Variants in GPRIN1 observed in about 807,000 individuals in gnomAD.
The protein encoded by GPRIN1 is G protein regulated inducer of neurite outgrowth 1, also known as G protein-regulated inducer of neurite outgrowth 1.
A neutral mutation model predicts 2.8 loss-of-function variants in GPRIN1; 4 were observed. The observed-to-expected ratio is 1.45, with a 90% CI of 0.71 to 3.32. GPRIN1 has a LOEUF of 3.32. Among genes scored for constraint, GPRIN1 ranks in the 30% most tolerant of loss-of-function variants. GPRIN1 has a pLI of 0.01. For synonymous variants in GPRIN1, 589 were observed against 589.9 expected (o/e 1.00, Z 0.02); for missense variants, 1,322 against 1,343.4 (o/e 0.98, Z 0.25).
In GPRIN1 at chr5:176,599,011, G is replaced by GGAGC. The variant is rs759996765; in HGVS notation, c.820_823dup (p.Pro275ArgfsTer199). 1.9e-6 allele frequency: 3 copies of GGAGC among 1,614,150 alleles called. No homozygotes were observed. Among genetic ancestry groups the GGAGC allele is most frequent in the Non-Finnish European group, 2.5e-6 (3 of 1,180,014 alleles). ...AAGATCTACCTTTTCTGCAGATGTA[G>GGAGC]GAGCGACCTTTTCTGAGGACACAGG... is the stretch of plus-strand genomic sequence containing the variant. On this transcript the variant is annotated frameshift_variant, in exon 2 of 2. Coordinates refer to ENST00000303991, the MANE Select transcript of GPRIN1 (RefSeq NM_052899.3). LOFTEE classifies it low-confidence loss of function (END_TRUNC).
chr5:176,609,596 G>A (rs990714784), intron 1 of GPRIN1, among the ~76,000 whole-genome samples: 1 of 152,150 alleles, frequency 6.6e-6, no homozygotes, highest in Admixed American at 6.5e-5. Flanking sequence ...CTCCGGGGAA[G>A]ATGAATCAAC....
chr5:176,608,426 G>T (rs556664028), intron 1 of GPRIN1, among the ~76,000 whole-genome samples: 1 of 152,218 alleles, frequency 6.6e-6, no homozygotes, highest in South Asian at 2.1e-4. Flanking sequence ...GCCTGACTGA[G>T]GCAGAAGGCA....
rs778209257 is a variant in GPRIN1 at position 176,599,507 on chromosome 5, A to G, written c.328T>C (p.Leu110=). ...SPQESPSKET[L]EAHGASISGT... ...GAGATGGAGGCTCCATGTGCCTCCA[A>G]TGTCTCCTTGGAGGGTGACTCCTGG... The change falls in exon 2 of 2, where the codon TTG becomes CTG. Residue 110 remains leucine, a synonymous_variant. Transcript: ENST00000303991. 15 of 1,610,174 alleles carry G rather than the reference A, an allele frequency of 9.3e-6. No homozygotes were observed. The highest frequency in any genetic ancestry group is 6.7e-5 in the East Asian group (3 of 44,826).
rs1759075965 is a variant in GPRIN1, at chr5:176,597,894, G to A, written c.1941C>T (p.Gly647=). The A allele has an allele frequency of 3.1e-6, 5 of 1,613,800 alleles. No homozygotes were observed. The highest frequency in any genetic ancestry group is 2.2e-5 in the East Asian group (1 of 44,872). Residue 647 remains glycine (G), a synonymous_variant, in exon 2 of 2, where the codon GGC becomes GGT. Coordinates refer to ENST00000303991, the MANE Select transcript of GPRIN1 (RefSeq NM_052899.3). This position sits in a 1 kb window ranked among gnomAD's most constrained non-coding sequence, Gnocchi z 6.1. ...KAETKLPGQE[G]AAAPGEAGAV... is the part of the protein sequence containing the mutation. ...CCCCTGCTTCCCCTGGTGCTGCAGC[G>A]CCCTCTTGCCCAGGGAGCTTTGTTT...
chr5:176,608,992 G>A (rs1044282992), intron 1 of GPRIN1, among the ~76,000 whole-genome samples: 13 of 152,228 alleles, frequency 8.5e-5, no homozygotes, highest in African/African-American at 3.1e-4. Flanking sequence ...CGGGGGTGTG[G>A]GGGGAGAAGG....
intron 1 of GPRIN1, among the ~76,000 whole-genome samples, chr5:176,600,302 T>C (rs1285906531): frequency 6.6e-6 from 1 of 151,966 alleles, no homozygotes; most frequent in African/African-American, 2.4e-5. Context: ...AATTTTGTAT[T>C]TTGTTGGTCA....
Position 176,609,354 on chromosome 5 carries a change from G to A in GPRIN1, c.-44+645C>T, listed in dbSNP as rs529265984. On this transcript the variant is annotated intron_variant, in intron 1 of 1. Coordinates refer to ENST00000303991, the MANE Select transcript of GPRIN1 (RefSeq NM_052899.3). ...TGCGTAGCTGTGCCTGGGTGTGTAC[G>A]CAAGGCTCCCACCCAGTACCCTGGG... Among the ~76,000 whole-genome samples the A allele has an allele frequency of 8.5e-5, 13 of 152,252 alleles. No homozygotes were observed. In the South Asian group the frequency reaches 2.5e-3, roughly 29 times the overall value.
rs1759068493 is a variant in GPRIN1, at chr5:176,597,651, G to C, written c.2184C>G (p.Asp728Glu). Reference protein sequence around the residue: ...TKPSSSSRQLDRKALGSARSP... With the variant: ...TKPSSSSRQLERKALGSARSP... The stretch of plus-strand genomic sequence containing the variant: ...ACCGGGCTGAGCCGAGGGCTTTGCG[G>C]TCTAACTGCCTGGAGGAGGAGGACG... Residue 728 changes from aspartate (D) to glutamate (E), a missense_variant, in exon 2 of 2, where the codon GAC becomes GAG. Physicochemically the swap from Asp to Glu is conservative, Grantham distance 45. Transcript: ENST00000303991. The surrounding 1 kb of genome is among the most constrained non-coding windows in gnomAD (Gnocchi z 6.1). 6.3e-7 allele frequency: 1 copy of C among 1,599,636 alleles called. No individual in the cohort carries two copies. The highest frequency in any genetic ancestry group is 8.5e-7 in the Non-Finnish European group (1 of 1,176,118).
rs1202832089 is a variant in GPRIN1, at chr5:176,602,060, T to C, written c.-43-2183A>G. Among the ~76,000 whole-genome samples the C allele has an allele frequency of 6.6e-6, 1 of 152,192 alleles. No homozygotes were observed. Among genetic ancestry groups the C allele is most frequent in the African/African-American group, 2.4e-5 (1 of 41,462 alleles). ...TGCATCTTCAGGCCCCGTCACCTCC[T>C]CTGCCCTTTCTGCTGCTGCTCTCCC... On this transcript the variant is annotated intron_variant, in intron 1 of 1. Coordinates refer to ENST00000303991, the MANE Select transcript of GPRIN1 (RefSeq NM_052899.3). This position sits in a 1 kb window ranked among gnomAD's most constrained non-coding sequence, Gnocchi z 4.4.
Position 176,598,365 on chromosome 5 carries a change from C to T in GPRIN1, c.1470G>A (p.Val490=). 1 of 1,613,896 alleles carries T rather than the reference C, an allele frequency of 6.2e-7. No individual in the cohort carries two copies. The change falls in exon 2 of 2, where the codon GTG becomes GTA. Residue 490 remains valine (V), a synonymous_variant. Coordinates refer to ENST00000303991, the MANE Select transcript of GPRIN1 (RefSeq NM_052899.3). The stretch of plus-strand genomic sequence containing the variant: ...ACCTGGGATCGCCTGGACCTGAAGA[C>T]ACAGGGTTTGTCTTTCCTGAAGACT... ...NPESSGKTNP[V]SSGPGDPRSL...
chr5:176,604,573 T>C (rs1759195894), intron 1 of GPRIN1, among the ~76,000 whole-genome samples: 1 of 152,082 alleles, frequency 6.6e-6, no homozygotes, highest in Admixed American at 6.5e-5. Flanking sequence ...ATGGGCAACA[T>C]AGCAGGATCT....
At chr5:176,603,225 C>G (rs533308189) in intron 1 of GPRIN1, among the ~76,000 whole-genome samples, 1 of 152,250 alleles carries the variant, frequency 6.6e-6, no homozygotes, top group East Asian at 1.9e-4. Context: ...ACTCCCACCC[C>G]CAAAACATGT....
rs1759075899 is a variant in GPRIN1, at chr5:176,597,893, C to T, written c.1942G>A (p.Ala648Thr). 1.9e-6 allele frequency: 3 copies of T among 1,613,834 alleles called. No homozygotes were observed. The highest frequency in any genetic ancestry group is 1.7e-4 in the Middle Eastern group (1 of 6,060). ...GCCCCTGCTTCCCCTGGTGCTGCAG[C>T]GCCCTCTTGCCCAGGGAGCTTTGTT... ...AETKLPGQEG[A>T]AAPGEAGAVC... is the part of the protein sequence containing the mutation. The change falls in exon 2 of 2, where the codon GCT becomes ACT. Residue 648 changes from alanine (A) to threonine (T), a missense_variant. Physicochemically the swap from Ala to Thr is moderately conservative, Grantham distance 58. This residue lies in a region of GPRIN1 where 1,117 missense variants were observed against 1,128.6 expected (regional missense o/e 0.99). Transcript: ENST00000303991. This position sits in a 1 kb window ranked among gnomAD's most constrained non-coding sequence, Gnocchi z 6.1.
rs764705270 is a variant in GPRIN1, at chr5:176,596,970, G to A, written c.2865C>T (p.Pro955=). ...CGGCACGGGCGGCGGGCGGCGGCGC[G>A]GGCGCCCCTTGGCGGCCGTGCTCCT... The part of the protein sequence containing the change: ...QIEEHGRQGA[P]APPPAARAGP... The change falls in exon 2 of 2, where the codon CCC becomes CCT. Residue 955 remains proline (P), a synonymous_variant. Transcript: ENST00000303991. This position sits in a 1 kb window ranked among gnomAD's most constrained non-coding sequence, Gnocchi z 5.2. 3.0e-6 allele frequency: 4 copies of A among 1,354,692 alleles called. No individual in the cohort carries two copies. In the African/African-American group the frequency reaches 4.5e-5, roughly 15 times the overall value. The allele number at this position is 1,354,692 out of a possible 1,614,324, so 83.9% of individuals were successfully genotyped here. A position where few individuals can be genotyped will look rare whatever the true frequency, so the allele number is the denominator to read the frequency against.
rs995772151 is a variant in GPRIN1 at position 176,595,912 on chromosome 5, G to A, written c.*896C>T. 10 of 399,276 alleles carry A rather than the reference G, an allele frequency of 2.5e-5. No homozygotes were observed. Among genetic ancestry groups the A allele is most frequent in the Non-Finnish European group, 4.4e-5 (10 of 225,668 alleles). 24.7% of individuals were successfully genotyped at this position (399,276 alleles called of 1,614,324 possible). ...TGGTCACAAGGGACTTGGGCTCACA[G>A]CACAGGGGGGACAAGGGGCTGGAGA... On this transcript the variant is annotated 3_prime_UTR_variant, in exon 2 of 2. Coordinates refer to ENST00000303991, the MANE Select transcript of GPRIN1 (RefSeq NM_052899.3).
rs370724431 is a variant in GPRIN1, at chr5:176,598,622, A to T, written c.1213T>A (p.Leu405Met). ...GAAGACATGGGATCCACATTTTTCAAAGATGTGAGATCTGTCTTTGCTGAA... is the reference window on the plus strand; with the variant it reads ...GAAGACATGGGATCCACATTTTTCATAGATGTGAGATCTGTCTTTGCTGAA... ...TASAKTDLTS[L>M]KNVDPMSSGK... Residue 405 changes from leucine to methionine, a missense_variant, in exon 2 of 2, where the codon TTG becomes ATG. By Grantham distance (15) the Leu-to-Met change is conservative. Coordinates refer to ENST00000303991, the MANE Select transcript of GPRIN1 (RefSeq NM_052899.3). 6.2e-7 allele frequency: 1 copy of T among 1,614,034 alleles called. No homozygotes were observed. The highest frequency in any genetic ancestry group is 1.3e-5 in the African/African-American group (1 of 74,922).
chr5:176,604,962 A>T (rs930843008), intron 1 of GPRIN1, among the ~76,000 whole-genome samples: 2 of 151,742 alleles, frequency 1.3e-5, no homozygotes, highest in African/African-American at 4.8e-5. Flanking sequence ...CGAACTCCTG[A>T]CCTCAGGTGA....
Position 176,598,401 on chromosome 5 carries a change from T to C in GPRIN1, c.1434A>G (p.Lys478=), listed in dbSNP as rs2113347360. The C allele has an allele frequency of 6.2e-7, 1 of 1,614,056 alleles. No homozygotes were observed. The highest frequency in any genetic ancestry group is 2.2e-5 in the East Asian group (1 of 44,882). Residue 478 remains lysine (K), a synonymous_variant, in exon 2 of 2, where the codon AAA becomes AAG. Transcript: ENST00000303991. Reference sequence around the variant, plus strand: ...TCTTTCCTGAAGACTCAGGATTCACTTTTTCAGATGATGTCTTTCTACTTC... The same window carrying C: ...TCTTTCCTGAAGACTCAGGATTCACCTTTTCAGATGATGTCTTTCTACTTC... The part of the protein sequence containing the change: ...SAGSRKTSSE[K]VNPESSGKTN...
At chr5:176,609,925 G>C (rs1165160744) in intron 1 of GPRIN1, 74 bp downstream of exon 1, 2 of 151,528 alleles carry the variant, frequency 1.3e-5, no homozygotes, top group African/African-American at 2.4e-5. Context: ...CAGCGGCTCC[G>C]GGGCGGCAGC....
Sources: gnomAD v4.1 joint callset for allele counts (sites outside exome capture counted in the v4.1 genomes callset) on GRCh38, gnomAD v4.1.1 for gene constraint, gnomAD v4.1.1 regional missense constraint, Gnocchi (gnomAD v3.1) non-coding constraint, MANE v1.5 for transcripts, NCBI Gene and HGNC (gene_info 2026-07-23, HGNC 2026-07-21) for gene names.